Variants in ARHGAP32 observed in about 807,000 individuals in gnomAD.
ARHGAP32 encodes Rho GTPase activating protein 32.
In ARHGAP32, 51 loss-of-function variants were observed where a neutral mutation model predicts 186.5. That is an observed-to-expected ratio of 0.27 (90% CI 0.22 to 0.35). The LOEUF is 0.35. ARHGAP32 is among the 10% of genes least tolerant of loss of function. ARHGAP32 has a pLI of 1.00. For missense variants in ARHGAP32, 2,186 were observed against 2,623.5 expected, an observed-to-expected ratio of 0.83 and a Z score of 3.64; for synonymous variants, 950 against 964.3, an observed-to-expected ratio of 0.99 and a Z score of 0.27.
intron 1 of ARHGAP32, among the ~76,000 whole-genome samples, chr11:129,179,850 C>T (rs7930570): frequency 0.29 from 43,345 of 151,592 alleles, 6,481 homozygotes; most frequent in Middle Eastern, 0.4. Context: ...TGCTAGATGA[C>T]GAGTTAGTGG....
At chr11:129,143,640 G>GTTT in intron 2 of ARHGAP32, among the ~76,000 whole-genome samples, 4 of 115,836 alleles carry the variant, frequency 3.5e-5, no homozygotes, top group African/African-American at 2.9e-5. Context: ...CAAGAGGAGT[G>GTTT]ATGCTGCCAA....
intron 6 of ARHGAP32, among the ~76,000 whole-genome samples, chr11:129,077,493 C>T (rs892771112): frequency 4.4e-4 from 67 of 152,060 alleles, no homozygotes; most frequent in Non-Finnish European, 4.6e-4. Flanking sequence ...TTCCTGGCTG[C>T]ATGGGAGCTG....
chr11:129,193,603 A>AAT (rs1944329107), upstream of ARHGAP32, among the ~76,000 whole-genome samples: 2 of 69,708 alleles, frequency 2.9e-5, no homozygotes, highest in Admixed American at 4.5e-4. Flanking sequence ...TGTTATATAT[A>AAT]ATATATAATA....
At chr11:129,195,725 GA>G (rs1292961168), upstream of ARHGAP32, among the ~76,000 whole-genome samples, 1 of 152,094 alleles carries the variant, frequency 6.6e-6, no homozygotes, top group Non-Finnish European at 1.5e-5. Flanking sequence ...AAAAAAAAAG[GA>G]AAAAAAGTTT....
At position 128,981,913 on chromosome 11, in the gene ARHGAP32, TG is replaced by T; in HGVS notation, c.1549del (p.His517ThrfsTer5). ...HYRTLEFLMR[H>X]LSLLADYCSI... ...ACAATAGTCAGCTAGAAGAGACAAG[TG>T]TCTCATCAGGAACTCCAGTGTTCTG... On this transcript the variant is annotated frameshift_variant, in exon 16 of 23. Coordinates refer to ENST00000682385, the MANE Select transcript of ARHGAP32 (RefSeq NM_001378024.1). LOFTEE classifies it high-confidence loss of function. 6.2e-7 allele frequency: 1 copy of T among 1,610,644 alleles called. No individual in the cohort carries two copies. Among genetic ancestry groups the T allele is most frequent in the Non-Finnish European group, 8.5e-7 (1 of 1,178,268 alleles).
chr11:129,052,220 T>C (rs1591569217), intron 10 of ARHGAP32, among the ~76,000 whole-genome samples: 1 of 152,212 alleles, frequency 6.6e-6, no homozygotes, highest in East Asian at 1.9e-4. Context: ...TGTGTACAAC[T>C]GTATGTATGT....
At chr11:129,247,323 T>C (rs777567402) in intron 1 of ARHGAP32, among the ~76,000 whole-genome samples, 1 of 152,204 alleles carries the variant, frequency 6.6e-6, no homozygotes, top group Admixed American at 6.5e-5. Flanking sequence ...AGTGATAAGA[T>C]CTTAAACTGA....
chr11:129,217,381 G>A (rs1944660686), intron 1 of ARHGAP32, among the ~76,000 whole-genome samples: 2 of 152,154 alleles, frequency 1.3e-5, no homozygotes, highest in African/African-American at 2.4e-5. Context: ...CACAACAGTA[G>A]TGCAAGATAG....
chr11:129,057,178 G>A (rs1020260510), intron 10 of ARHGAP32, among the ~76,000 whole-genome samples: 1 of 152,156 alleles, frequency 6.6e-6, no homozygotes, highest in African/African-American at 2.4e-5. Flanking sequence ...CCTCTCGGCA[G>A]AAGACATATG....
chr11:129,050,682 T>C (rs751625823), intron 10 of ARHGAP32, among the ~76,000 whole-genome samples: 1 of 152,268 alleles, frequency 6.6e-6, no homozygotes, highest in African/African-American at 2.4e-5. Context: ...CTGGGATACA[T>C]GTGCAGAACA....
chr11:129,253,473 T>C (rs1945213372), intron 1 of ARHGAP32, among the ~76,000 whole-genome samples: 1 of 152,180 alleles, frequency 6.6e-6, no homozygotes, highest in Non-Finnish European at 1.5e-5. Context: ...GAATACGCTT[T>C]GCATGGAGTG....
At chr11:129,065,046 G>C in intron 7 of ARHGAP32, 113 bp from the exon 8 acceptor site, 1 of 805,274 alleles carries the variant, frequency 1.2e-6, no homozygotes, top group Non-Finnish European at 2.0e-6. Context: ...CATTTTAATA[G>C]TTACAGAGGA....
intron 1 of ARHGAP32, among the ~76,000 whole-genome samples, chr11:129,244,809 A>C (rs1945069305): frequency 6.6e-6 from 1 of 152,198 alleles, no homozygotes. Context: ...GACACTTCTC[A>C]AAAGAAGACA....
chr11:129,213,657 T>C (rs1944610091), intron 1 of ARHGAP32, among the ~76,000 whole-genome samples: 1 of 152,184 alleles, frequency 6.6e-6, no homozygotes, highest in African/African-American at 2.4e-5. Context: ...ACTGAAAATG[T>C]CAGCTTCCCT....
chr11:129,217,519 C>T (rs1021863977), intron 1 of ARHGAP32, among the ~76,000 whole-genome samples: 1 of 152,124 alleles, frequency 6.6e-6, no homozygotes, highest in Non-Finnish European at 1.5e-5. Flanking sequence ...AGATATCTCT[C>T]TTCTATGAGC....
At chr11:129,254,045 T>C (rs1236358257) in intron 1 of ARHGAP32, among the ~76,000 whole-genome samples, 1 of 152,178 alleles carries the variant, frequency 6.6e-6, no homozygotes, top group Non-Finnish European at 1.5e-5. Context: ...ATGGTGCATC[T>C]TTATTTGTAA....
intron 1 of ARHGAP32, among the ~76,000 whole-genome samples, chr11:129,185,507 C>T (rs1392896226): frequency 2.6e-5 from 4 of 151,992 alleles, no homozygotes; most frequent in South Asian, 2.1e-4. Flanking sequence ...ATGTAAATGA[C>T]GAGTTACTGG....
chr11:129,001,771 G>T lies in ARHGAP32; in HGVS notation c.1046-3303C>A, dbSNP rs1348194082. Among the ~76,000 whole-genome samples the T allele has an allele frequency of 2.0e-5, 3 of 152,002 alleles. No individual in the cohort carries two copies. The East Asian group carries it at 5.8e-4, about 29-fold the overall frequency. ...TTAGATTTAAGTCTTCAATCCATTT[G>T]GACTTAATTTTTATATAAGGTGAGA... is the stretch of plus-strand genomic sequence containing the variant. On this transcript the variant is annotated intron_variant, in intron 11 of 22. Transcript: ENST00000682385.
intron 1 of ARHGAP32, among the ~76,000 whole-genome samples, chr11:129,271,615 G>C (rs772712065): frequency 6.6e-6 from 1 of 152,170 alleles, no homozygotes; most frequent in Non-Finnish European, 1.5e-5. Flanking sequence ...ATAAGAATTT[G>C]AGCCTCATCG....
Sources: allele counts gnomAD v4.1 joint callset (sites outside exome capture counted in the v4.1 genomes callset), GRCh38; gene constraint gnomAD v4.1.1; transcripts MANE v1.5; gene names NCBI Gene and HGNC (gene_info 2026-07-23, HGNC 2026-07-21).